Variants in AGAP1 observed in about 807,000 individuals in gnomAD.
AGAP1 encodes the protein arf-GAP with GTPase, ANK repeat and PH domain-containing protein 1.
AGAP1 carries 29 observed loss-of-function variants against 105.3 expected under a neutral mutation model. The observed-to-expected ratio is 0.28, with a 90% confidence interval of 0.21 to 0.38. The LOEUF (loss-of-function observed/expected upper bound fraction) is 0.38. AGAP1 is among the 10% of genes least tolerant of loss of function. The probability of loss-of-function intolerance (pLI) is 1.00; values close to 1 mark genes in which losing one functional copy is unlikely to be tolerated. For missense variants in AGAP1, 998 were observed against 1,165.1 expected (o/e 0.86, Z 2.09); for synonymous variants, 509 against 485.9 (o/e 1.05, Z -0.63).
chr2:235,534,749 G>C (rs1013814497), intron 1 of AGAP1, among the ~76,000 whole-genome samples: 2 of 152,204 alleles, frequency 1.3e-5, no homozygotes, highest in African/African-American at 4.8e-5. Context: ...TGTGTCTTCA[G>C]CACGACATGG....
rs2059957792 is a variant in AGAP1 at position 236,123,805 on chromosome 2, G to A, written c.2371-114G>A. ...TCCTGGCACCCCAGCCAGTTGTGTA[G>A]CTGGCCCCGCTGTCCAAGCACAAGC... On this transcript the variant is annotated intron_variant, in intron 17 of 17. Transcript: ENST00000304032. The surrounding 1 kb of genome is among the most constrained non-coding windows in gnomAD (Gnocchi z 4.6). The A allele has an allele frequency of 1.5e-6, 2 of 1,306,926 alleles. No homozygotes were observed. Among genetic ancestry groups the A allele is most frequent in the Non-Finnish European group, 1.1e-6 (1 of 938,770 alleles). The allele number at this position is 1,306,926 out of a possible 1,614,324, so 81.0% of individuals were successfully genotyped here. A position where few individuals can be genotyped will look rare whatever the true frequency, so the allele number is the denominator to read the frequency against.
chr2:235,686,137 A>G (rs2149417513), intron 1 of AGAP1, among the ~76,000 whole-genome samples: 1 of 152,136 alleles, frequency 6.6e-6, no homozygotes, highest in East Asian at 1.9e-4. Context: ...TGTTTTCCAC[A>G]GGTCTTTTTA....
At chr2:235,513,507 C>A in intron 1 of AGAP1, among the ~76,000 whole-genome samples, 1 of 115,898 alleles carries the variant, frequency 8.6e-6, no homozygotes, top group Admixed American at 1.3e-4. Context: ...GGCGGCAGAG[C>A]AAGACTCCGT....
intron 1 of AGAP1, among the ~76,000 whole-genome samples, chr2:235,695,882 A>T (rs1043831915): frequency 2.0e-5 from 3 of 152,152 alleles, no homozygotes; most frequent in African/African-American, 4.8e-5. Flanking sequence ...GAGATACTGA[A>T]TAACCAACCC....
At chr2:235,533,591 C>T (rs1387445281) in intron 1 of AGAP1, among the ~76,000 whole-genome samples, 1 of 152,222 alleles carries the variant, frequency 6.6e-6, no homozygotes, top group Admixed American at 6.5e-5. Context: ...GGCAAGCATC[C>T]TACTCCAGTA....
chr2:235,720,902 C>T lies in AGAP1; in HGVS notation c.310+3258C>T, dbSNP rs1275164733. Among the ~76,000 whole-genome samples the T allele has an allele frequency of 6.6e-6, 1 of 152,148 alleles. No homozygotes were observed. Among genetic ancestry groups the T allele is most frequent in the East Asian group, 1.9e-4 (1 of 5,196 alleles). ...TACATCAGATGCATTTTAGCTCCAT[C>T]CCAGAGGGTAATATCTGCTGTCTTT... is the stretch of plus-strand genomic sequence containing the variant. On this transcript the variant is annotated intron_variant, in intron 3 of 17. Coordinates refer to ENST00000304032, the MANE Select transcript of AGAP1 (RefSeq NM_001037131.3). This position sits in a 1 kb window ranked among gnomAD's most constrained non-coding sequence, Gnocchi z 5.0.
chr2:235,521,910 T>C (rs1667416885), intron 1 of AGAP1, among the ~76,000 whole-genome samples: 2 of 152,122 alleles, frequency 1.3e-5, no homozygotes, highest in Admixed American at 1.3e-4. Flanking sequence ...GTAGTTTCGC[T>C]AAAGGTTGCC....
chr2:236,091,403 C>T (rs2059056084), intron 16 of AGAP1, among the ~76,000 whole-genome samples: 3 of 152,212 alleles, frequency 2.0e-5, no homozygotes, highest in Admixed American at 2.0e-4. Flanking sequence ...AACAGTTTTA[C>T]AGTTTCTTAT....
In AGAP1 at chr2:235,906,490, C is replaced by T. The variant is rs1449606888; in HGVS notation, c.1156-2248C>T. ...TGATGTAGGGGAGCCTGCTGGGGTT[C>T]TGTATTTATCTGCCAGAGTGTCCCC... On this transcript the variant is annotated intron_variant, in intron 10 of 17. Transcript: ENST00000304032. The surrounding 1 kb of genome is among the most constrained non-coding windows in gnomAD (Gnocchi z 5.3). 6.6e-6 allele frequency among the ~76,000 whole-genome samples: 1 copy of T among 152,156 alleles called. No individual in the cohort carries two copies. The highest frequency in any genetic ancestry group is 1.5e-5 in the Non-Finnish European group (1 of 68,024).
intron 1 of AGAP1, among the ~76,000 whole-genome samples, chr2:235,696,558 G>A (rs1374726065): frequency 6.6e-6 from 1 of 152,236 alleles, no homozygotes; most frequent in East Asian, 1.9e-4. Context: ...GATGGTCCGT[G>A]TGGGTCAGCC....
rs1027863442 is a variant in AGAP1, at chr2:235,889,532, A to G, written c.1155+6083A>G. 2.7e-5 allele frequency among the ~76,000 whole-genome samples: 4 copies of G among 147,906 alleles called. No individual in the cohort carries two copies. Among genetic ancestry groups the G allele is most frequent in the Non-Finnish European group, 5.9e-5 (4 of 67,530 alleles). Reference sequence around the variant, plus strand: ...TCTCTTTCCTTTCTCGTCATCCCCCAAAAGTGTCTTTGCCTTTTTTTTTTT... The same window carrying G: ...TCTCTTTCCTTTCTCGTCATCCCCCGAAAGTGTCTTTGCCTTTTTTTTTTT... On this transcript the variant is annotated intron_variant, in intron 10 of 17. Coordinates refer to ENST00000304032, the MANE Select transcript of AGAP1 (RefSeq NM_001037131.3). This position sits in a 1 kb window ranked among gnomAD's most constrained non-coding sequence, Gnocchi z 4.6.
rs1012267777 is a variant in AGAP1, at chr2:235,965,421, G to C, written c.1484-3041G>C. Reference sequence around the variant, plus strand: ...GGAAGGCACAGTGAAACAGTGTGCCGTTTTGAAGAAGCAATGGTGAAGGAA... The same window carrying C: ...GGAAGGCACAGTGAAACAGTGTGCCCTTTTGAAGAAGCAATGGTGAAGGAA... On this transcript the variant is annotated intron_variant, in intron 12 of 17. Transcript: ENST00000304032. This position sits in a 1 kb window ranked among gnomAD's most constrained non-coding sequence, Gnocchi z 5.8. Among the ~76,000 whole-genome samples the C allele has an allele frequency of 6.6e-6, 1 of 152,160 alleles. No individual in the cohort carries two copies. Among genetic ancestry groups the C allele is most frequent in the Non-Finnish European group, 1.5e-5 (1 of 68,034 alleles).
intron 1 of AGAP1, among the ~76,000 whole-genome samples, chr2:235,643,488 T>A (rs985932901): frequency 2.8e-5 from 4 of 142,004 alleles, no homozygotes; most frequent in African/African-American, 1.1e-4. Context: ...ATGTTAAAAA[T>A]TTTCCACACA....
intron 13 of AGAP1, among the ~76,000 whole-genome samples, chr2:236,008,813 C>A (rs1164525298): frequency 6.6e-6 from 1 of 152,162 alleles, no homozygotes; most frequent in Non-Finnish European, 1.5e-5. Flanking sequence ...AAGAAAGAAC[C>A]ATTGTGAGTT....
intron 1 of AGAP1, among the ~76,000 whole-genome samples, chr2:235,499,743 C>T (rs1941486331): frequency 6.6e-6 from 1 of 152,126 alleles, no homozygotes; most frequent in Non-Finnish European, 1.5e-5. Context: ...TTAAGGCCCT[C>T]CTGGTCTCTG....
rs1175278961 is a variant in AGAP1 at position 236,050,575 on chromosome 2, A to G, written c.2114+1294A>G. Among the ~76,000 whole-genome samples, 1 of 152,244 alleles carries G rather than the reference A, an allele frequency of 6.6e-6. No homozygotes were observed. Among genetic ancestry groups the G allele is most frequent in the Admixed American group, 6.5e-5 (1 of 15,278 alleles). On this transcript the variant is annotated intron_variant, in intron 16 of 17. Transcript: ENST00000304032. This position sits in a 1 kb window ranked among gnomAD's most constrained non-coding sequence, Gnocchi z 4.0. ...TGGGTCATCAACTGTGAACAAGCTT[A>G]AAAGATGAATTCATGTTTTAATATC...
At chr2:235,991,668 C>T (rs1260626248) in intron 13 of AGAP1, among the ~76,000 whole-genome samples, 3 of 152,168 alleles carry the variant, frequency 2.0e-5, no homozygotes, top group Non-Finnish European at 4.4e-5. Context: ...TAATACTGGG[C>T]GTTCTTTCTA....
intron 4 of AGAP1, among the ~76,000 whole-genome samples, chr2:235,743,782 T>G (rs1442315457): frequency 6.6e-6 from 1 of 152,102 alleles, no homozygotes; most frequent in South Asian, 2.1e-4. Flanking sequence ...CGGGATGGAT[T>G]TCGGTTTTGT....
chr2:236,114,241 A>G lies in AGAP1; in HGVS notation c.2115-5951A>G, dbSNP rs1038929611. On this transcript the variant is annotated intron_variant, in intron 16 of 17. Transcript: ENST00000304032. This position sits in a 1 kb window ranked among gnomAD's most constrained non-coding sequence, Gnocchi z 5.0. ...CTTCCTTGGGGAAAATGAAAGGCTC[A>G]GCCAAGACAAGCCAGGGATCCCAGA... Among the ~76,000 whole-genome samples, 13 of 152,184 alleles carry G rather than the reference A, an allele frequency of 8.5e-5. No homozygotes were observed. In the East Asian group the frequency reaches 2.5e-3, roughly 29 times the overall value.
Sources: gnomAD v4.1 joint callset for allele counts (sites outside exome capture counted in the v4.1 genomes callset) on GRCh38, gnomAD v4.1.1 for gene constraint, Gnocchi (gnomAD v3.1) non-coding constraint, MANE v1.5 for transcripts, NCBI Gene and HGNC (gene_info 2026-07-23, HGNC 2026-07-21) for gene names.